IQCH: variants seen among roughly 807,000 people sequenced by gnomAD.
The protein encoded by IQCH is IQ motif containing H.
Under a neutral mutation model 117.0 loss-of-function variants are expected in IQCH, and 98 were observed. The observed-to-expected ratio is 0.84, with a 90% CI of 0.71 to 0.99. The LOEUF is 0.99. Ranked by LOEUF, IQCH falls within the 50% of genes least tolerant of loss-of-function variation. The pLI is 0.00. For missense variants in IQCH, 1,102 were observed against 1,243.8 expected (o/e 0.89, Z 1.72); for synonymous variants, 412 against 448.2 (o/e 0.92, Z 1.02).
chr15:67,402,784 A>G (rs1971717586), intron 14 of IQCH, among the ~76,000 whole-genome samples: 1 of 152,252 alleles, frequency 6.6e-6, no homozygotes, highest in Non-Finnish European at 1.5e-5. Context: ...CATCACTTGC[A>G]TAGCAGTTTA....
chr15:67,323,715 G>A (rs1026909986), intron 4 of IQCH, among the ~76,000 whole-genome samples: 9 of 151,866 alleles, frequency 5.9e-5, no homozygotes, highest in Non-Finnish European at 1.3e-4. Flanking sequence ...AAAATGTAAG[G>A]AATTTGCAAC....
rs1278397399 is a variant in IQCH, at chr15:67,431,736, T to C, written c.2505+10159T>C. On this transcript the variant is annotated intron_variant, in intron 16 of 20. Transcript: ENST00000335894. This position sits in a 1 kb window ranked among gnomAD's most constrained non-coding sequence, Gnocchi z 4.8. ...AATTTAGTTGAACATTTCCTACCAA[T>C]ATCAATAGTTTTTTAGATTGTAGCC... 6.6e-6 allele frequency among the ~76,000 whole-genome samples: 1 copy of C among 152,204 alleles called. No individual in the cohort carries two copies. Among genetic ancestry groups the C allele is most frequent in the Non-Finnish European group, 1.5e-5 (1 of 68,022 alleles).
At position 67,443,615 on chromosome 15, in the gene IQCH, A is replaced by T. The variant is rs1427861782; in HGVS notation, c.2506-21512A>T. On this transcript the variant is annotated intron_variant, in intron 16 of 20. Transcript: ENST00000335894. The surrounding 1 kb of genome is among the most constrained non-coding windows in gnomAD (Gnocchi z 5.0). ...TAAATGCATTATCGTCCTACCTCCC[A>T]CATATTACCTTCAGTCCTACAATTT... 6.6e-6 allele frequency among the ~76,000 whole-genome samples: 1 copy of T among 152,174 alleles called. No individual in the cohort carries two copies. Among genetic ancestry groups the T allele is most frequent in the Non-Finnish European group, 1.5e-5 (1 of 68,038 alleles).
chr15:67,343,941 C>G, intron 5 of IQCH, 122 bp from the exon 6 acceptor site: 4 of 751,726 alleles, frequency 5.3e-6, no homozygotes, highest in Non-Finnish European at 8.6e-6. Flanking sequence ...GATTAAGGCA[C>G]TAGATGTACC....
At chr15:67,346,081 C>A (rs1969374909) in intron 6 of IQCH, among the ~76,000 whole-genome samples, 1 of 151,666 alleles carries the variant, frequency 6.6e-6, no homozygotes. Flanking sequence ...AGATACCATA[C>A]AAACAATAAT....
Position 67,453,040 on chromosome 15 carries a change from G to A in IQCH, c.2506-12087G>A, listed in dbSNP as rs144637628. 7.8e-4 allele frequency among the ~76,000 whole-genome samples: 118 copies of A among 152,076 alleles called. 6 individuals carry two copies. The highest frequency in any genetic ancestry group is 5.8e-3 in the East Asian group (30 of 5,182). ...GTCGGCTAATAAGGCTTCTGCATTC[G>A]TCACGTAGCTCTCGTGCCTTGGTTT... On this transcript the variant is annotated intron_variant, in intron 16 of 20. Coordinates refer to ENST00000335894, the MANE Select transcript of IQCH (RefSeq NM_001031715.3). The surrounding 1 kb of genome is among the most constrained non-coding windows in gnomAD (Gnocchi z 5.8).
Position 67,400,137 on chromosome 15 carries a change from G to A in IQCH, c.1929G>A (p.Leu643=). The A allele has an allele frequency of 1.2e-6, 2 of 1,613,882 alleles. No homozygotes were observed. The highest frequency in any genetic ancestry group is 1.7e-6 in the Non-Finnish European group (2 of 1,179,876). ...AGATGATAGAGCAGCTGAGTCAGCTGATAACTGATCACCTGCAAATACAGC... is the reference window on the plus strand; with the variant it reads ...AGATGATAGAGCAGCTGAGTCAGCTAATAACTGATCACCTGCAAATACAGC... The part of the protein sequence containing the change: ...QQQMIEQLSQ[L]ITDHLQIQRW... The change falls in exon 14 of 21, where the codon CTG becomes CTA. Residue 643 remains leucine, a synonymous_variant. Coordinates refer to ENST00000335894, the MANE Select transcript of IQCH (RefSeq NM_001031715.3).
chr15:67,483,695 G>A (rs909053816), intron 18 of IQCH, among the ~76,000 whole-genome samples: 137 of 152,128 alleles, frequency 9.0e-4, no homozygotes, highest in Non-Finnish European at 6.5e-4. Context: ...AAAGTGCTGG[G>A]AGGCAACAAA....
chr15:67,354,770 G>A (rs569088512), intron 6 of IQCH, among the ~76,000 whole-genome samples: 1 of 152,278 alleles, frequency 6.6e-6, no homozygotes, highest in East Asian at 1.9e-4. Context: ...AGGAGCCTAG[G>A]GATGGTGGCA....
In IQCH at chr15:67,445,120, C is replaced by G. The variant is rs893795200; in HGVS notation, c.2506-20007C>G. On this transcript the variant is annotated intron_variant, in intron 16 of 20. Coordinates refer to ENST00000335894, the MANE Select transcript of IQCH (RefSeq NM_001031715.3). This position sits in a 1 kb window ranked among gnomAD's most constrained non-coding sequence, Gnocchi z 4.3. ...AAAGGAAATATCAGATAATCCATTG[C>G]TTTTTCAGTAAAACAAAAACTTAAA... Among the ~76,000 whole-genome samples the G allele has an allele frequency of 3.3e-5, 5 of 152,076 alleles. No homozygotes were observed. Among genetic ancestry groups the G allele is most frequent in the Non-Finnish European group, 7.4e-5 (5 of 67,996 alleles).
In IQCH at chr15:67,342,960, C is replaced by T. The variant is rs942110522; in HGVS notation, c.509-1103C>T. Among the ~76,000 whole-genome samples, 1 of 152,116 alleles carries T rather than the reference C, an allele frequency of 6.6e-6. No homozygotes were observed. Among genetic ancestry groups the T allele is most frequent in the Admixed American group, 6.6e-5 (1 of 15,264 alleles). On this transcript the variant is annotated intron_variant, in intron 5 of 20. Transcript: ENST00000335894. This position sits in a 1 kb window ranked among gnomAD's most constrained non-coding sequence, Gnocchi z 4.7. ...TCTCCGCTTTTAATAACAAATTCTT[C>T]TCCTAAATGATTCTTCAGTAAGTAA...
At position 67,365,672 on chromosome 15, in the gene IQCH, G is replaced by C. The variant is rs1970307376; in HGVS notation, c.753+5787G>C. ...AAGCCACGCACGGTGGCTCACGCCT[G>C]TAATCCCAGCACTTTGGGAGGTCAT... On this transcript the variant is annotated intron_variant, in intron 8 of 20. Transcript: ENST00000335894. The surrounding 1 kb of genome is among the most constrained non-coding windows in gnomAD (Gnocchi z 4.4). Among the ~76,000 whole-genome samples the C allele has an allele frequency of 6.6e-6, 1 of 152,218 alleles. No homozygotes were observed. The highest frequency in any genetic ancestry group is 2.4e-5 in the African/African-American group (1 of 41,466).
At chr15:67,367,269 G>A (rs1596267683) in intron 8 of IQCH, among the ~76,000 whole-genome samples, 1 of 152,116 alleles carries the variant, frequency 6.6e-6, no homozygotes, top group Non-Finnish European at 1.5e-5. Flanking sequence ...AGTGCAGTGG[G>A]TCATGCCTGT....
In IQCH at chr15:67,380,242, CAA is replaced by C. The variant is rs368991942; in HGVS notation, c.1373-4693_1373-4692del. Among the ~76,000 whole-genome samples the C allele has an allele frequency of 2.6e-3, 399 of 152,288 alleles. 4 individuals carry two copies. The highest frequency in any genetic ancestry group is 6.9e-3 in the African/African-American group (285 of 41,570). On this transcript the variant is annotated intron_variant, in intron 10 of 20. Coordinates refer to ENST00000335894, the MANE Select transcript of IQCH (RefSeq NM_001031715.3). Reference sequence around the variant, plus strand: ...TGCTAACCACTGAGAAAAGTTTAAACAAGAGAACTTCCTTAATTTTTTGAAGG... The same window carrying C: ...TGCTAACCACTGAGAAAAGTTTAAACGAGAACTTCCTTAATTTTTTGAAGG...
chr15:67,262,771 G>T (rs1965512678), intron 2 of IQCH, among the ~76,000 whole-genome samples: 1 of 152,268 alleles, frequency 6.6e-6, no homozygotes, highest in African/African-American at 2.4e-5. Flanking sequence ...TGTGGTCCCA[G>T]CTGCTCAGGA....
intron 13 of IQCH, among the ~76,000 whole-genome samples, chr15:67,396,782 C>T (rs1318913551): frequency 6.6e-6 from 1 of 152,234 alleles, no homozygotes; most frequent in East Asian, 1.9e-4. Flanking sequence ...CTGCACCTCA[C>T]AGCCACTGAG....
At chr15:67,314,619 C>T (rs1475278208) in intron 4 of IQCH, among the ~76,000 whole-genome samples, 1 of 151,504 alleles carries the variant, frequency 6.6e-6, no homozygotes, top group African/African-American at 2.4e-5. Flanking sequence ...GGAGTCACAA[C>T]ATAGTTGTAT....
intron 14 of IQCH, among the ~76,000 whole-genome samples, chr15:67,409,013 AC>A (rs1390353081): frequency 2.6e-5 from 4 of 152,224 alleles, no homozygotes; most frequent in African/African-American, 9.6e-5. Context: ...TGCTGCTGTA[AC>A]TACTTTTTAA....
rs765829737 is a variant in IQCH, at chr15:67,413,174, C to T, written c.2098-3757C>T. Among the ~76,000 whole-genome samples the T allele has an allele frequency of 2.6e-5, 4 of 151,976 alleles. No homozygotes were observed. Among genetic ancestry groups the T allele is most frequent in the Non-Finnish European group, 5.9e-5 (4 of 68,004 alleles). ...AGATCTTCCCTTACCAGCATCTGCCCTTAAAGTTGTGGCAATTATGTTTGA... is the reference window on the plus strand; with the variant it reads ...AGATCTTCCCTTACCAGCATCTGCCTTTAAAGTTGTGGCAATTATGTTTGA... On this transcript the variant is annotated intron_variant, in intron 14 of 20. Transcript: ENST00000335894. The surrounding 1 kb of genome is among the most constrained non-coding windows in gnomAD (Gnocchi z 5.0).
Sources: allele counts gnomAD v4.1 joint callset (sites outside exome capture counted in the v4.1 genomes callset), GRCh38; gene constraint gnomAD v4.1.1; non-coding constraint Gnocchi (gnomAD v3.1); transcripts MANE v1.5; gene names NCBI Gene and HGNC (gene_info 2026-07-23, HGNC 2026-07-21).